LUC7L2: variants seen among roughly 807,000 people sequenced by gnomAD.
The protein encoded by LUC7L2 is LUC7 like 2, pre-mRNA splicing factor.
LUC7L2 carries 25 observed loss-of-function variants against 52.8 expected under a neutral mutation model. The ratio of observed to expected loss-of-function variants is 0.47; its 90% confidence interval spans 0.34 to 0.66. The LOEUF (loss-of-function observed/expected upper bound fraction) is 0.66, where lower values mean the gene tolerates loss of function less well. Among genes scored for constraint, LUC7L2 ranks in the 30% least tolerant of loss-of-function variants. The pLI is 0.01. For synonymous variants in LUC7L2, 144 were observed against 160.9 expected (o/e 0.89, Z 0.80); for missense variants, 328 against 497.8 (o/e 0.66, Z 3.25).
chr7:139,383,980 C>T (rs1794081066), intron 2 of LUC7L2, among the ~76,000 whole-genome samples: 1 of 144,758 alleles, frequency 6.9e-6, no homozygotes, highest in South Asian at 2.1e-4. Flanking sequence ...GAACTCCTGA[C>T]CTGAAGTGAC....
At chr7:139,389,210 G>A (rs188467131) in intron 2 of LUC7L2, among the ~76,000 whole-genome samples, 64 of 151,762 alleles carry the variant, frequency 4.2e-4, no homozygotes, top group African/African-American at 1.5e-3. Flanking sequence ...TAGTGTTAAT[G>A]GTTCTGAAAC....
intron 2 of LUC7L2, among the ~76,000 whole-genome samples, chr7:139,397,149 TC>T (rs1794695723): frequency 6.6e-6 from 1 of 152,208 alleles, no homozygotes; most frequent in South Asian, 2.1e-4. Flanking sequence ...ACCATAAACT[TC>T]CCTGTGATTA....
chr7:139,355,512 G>A (rs11971779), upstream of LUC7L2, among the ~76,000 whole-genome samples: 26,287 of 152,060 alleles, frequency 0.17, 2,361 homozygotes, highest in Middle Eastern at 0.27. Flanking sequence ...TAAGGTCAAA[G>A]AAGCAGCCAA....
In LUC7L2 at chr7:139,405,716, G is replaced by A; in HGVS notation, c.439G>A (p.Gly147Arg). The A allele has an allele frequency of 6.2e-7, 1 of 1,613,240 alleles. No homozygotes were observed. ...CAAGGTGGAACAACTAGGAGCTGAA[G>A]GGAATGTGGAGGAATCCCAGAAAGT... is the stretch of plus-strand genomic sequence containing the variant. ...LAKVEQLGAEGNVEESQKVMD... is the reference protein window; with the variant it reads ...LAKVEQLGAERNVEESQKVMD... Residue 147 changes from glycine to arginine, a missense_variant, in exon 5 of 10, where the codon GGG becomes AGG. Gly to Arg is a moderately radical substitution (Grantham distance 125). Coordinates refer to ENST00000354926, the MANE Select transcript of LUC7L2 (RefSeq NM_016019.5).
rs138723634 is a variant in LUC7L2 at position 139,411,088 on chromosome 7, C to T, written c.779+1434C>T. The stretch of plus-strand genomic sequence containing the variant: ...GAATTTTCAGTAATATTGGGAATCT[C>T]ATTTTAAGATTCAATTGAGGTGACA... On this transcript the variant is annotated intron_variant, in intron 7 of 9. Transcript: ENST00000354926. 3.3e-5 allele frequency among the ~76,000 whole-genome samples: 5 copies of T among 152,240 alleles called. No individual in the cohort carries two copies. The East Asian group carries it at 9.6e-4, about 29-fold the overall frequency.
At chr7:139,407,600 C>T (rs2131295266) in intron 6 of LUC7L2, among the ~76,000 whole-genome samples, 1 of 152,152 alleles carries the variant, frequency 6.6e-6, no homozygotes, top group Middle Eastern at 3.4e-3. Flanking sequence ...AGGGATCTTT[C>T]AAACTAGTTA....
Sources: gnomAD v4.1 joint callset for allele counts (sites outside exome capture counted in the v4.1 genomes callset) on GRCh38, gnomAD v4.1.1 for gene constraint, MANE v1.5 for transcripts, NCBI Gene and HGNC (gene_info 2026-07-23, HGNC 2026-07-21) for gene names.